Variants in SGK1 observed in about 807,000 individuals in gnomAD.
SGK1 encodes the protein serum/glucocorticoid regulated kinase 1.
Under a neutral mutation model 64.2 loss-of-function variants are expected in SGK1, and 26 were observed. The observed-to-expected ratio is 0.40, with a 90% CI of 0.30 to 0.56. SGK1 has a LOEUF of 0.56. Ranked by LOEUF, SGK1 falls within the 20% of genes least tolerant of loss-of-function variation. The probability of loss-of-function intolerance (pLI) is 0.38; values close to 1 mark genes in which losing one functional copy is unlikely to be tolerated. For missense variants in SGK1, 519 were observed against 645.6 expected (o/e 0.80, Z 2.12); for synonymous variants, 265 against 239.7 (o/e 1.11, Z -0.98).
At chr6:134,238,794 T>C (rs1776401216) in intron 2 of SGK1, among the ~76,000 whole-genome samples, 1 of 152,170 alleles carries the variant, frequency 6.6e-6, no homozygotes, top group African/African-American at 2.4e-5. Context: ...TGAGTTACTC[T>C]GCAAAATGGA....
At chr6:134,201,164 C>G (rs1460662878) in intron 3 of SGK1, among the ~76,000 whole-genome samples, 2 of 142,190 alleles carry the variant, frequency 1.4e-5, no homozygotes, top group Non-Finnish European at 3.1e-5. Context: ...GGGTTCACGC[C>G]ATTCTCCTGC....
intron 3 of SGK1, among the ~76,000 whole-genome samples, chr6:134,175,388 G>C (rs1775199560): frequency 6.6e-6 from 1 of 152,108 alleles, no homozygotes; most frequent in African/African-American, 2.4e-5. Flanking sequence ...TTTATCCCTG[G>C]GGCGCAGGCC....
chr6:134,219,751 ACT>A (rs1213758199), intron 2 of SGK1, among the ~76,000 whole-genome samples: 7 of 112,780 alleles, frequency 6.2e-5, no homozygotes, highest in Non-Finnish European at 8.9e-5. Context: ...CAAGATCGAA[ACT>A]CTGTCTCAAA....
At chr6:134,300,363 C>G (rs1276840757) in intron 1 of SGK1, among the ~76,000 whole-genome samples, 1 of 151,548 alleles carries the variant, frequency 6.6e-6, no homozygotes, top group Non-Finnish European at 1.5e-5. Flanking sequence ...ATGGTGAAAC[C>G]CCAACTCTAC....
intron 1 of SGK1, among the ~76,000 whole-genome samples, chr6:134,310,466 C>T (rs139627479): frequency 2.0e-5 from 3 of 152,290 alleles, no homozygotes; most frequent in African/African-American, 7.2e-5. Context: ...CAAAGGCATC[C>T]GTCTTACTCA....
intron 3 of SGK1, among the ~76,000 whole-genome samples, chr6:134,185,555 AGTGTGTGTGTGTGTGTGT>A (rs55653141): frequency 6.9e-6 from 1 of 145,314 alleles, no homozygotes; most frequent in Non-Finnish European, 1.5e-5. Flanking sequence ...TATCTCTATG[AGTGTGTGTGTGTGTGTGT>A]GTGTGTGTGT....
chr6:134,209,541 G>T (rs1775851194), intron 2 of SGK1, among the ~76,000 whole-genome samples: 1 of 152,150 alleles, frequency 6.6e-6, no homozygotes, highest in African/African-American at 2.4e-5. Flanking sequence ...GTGATCATTT[G>T]ATTACTGCAA....
At chr6:134,287,182 G>T (rs140555300) in intron 1 of SGK1, among the ~76,000 whole-genome samples, 186 of 152,250 alleles carry the variant, frequency 1.2e-3, no homozygotes, top group African/African-American at 4.0e-3. Flanking sequence ...ATGTTGGCCA[G>T]ACTGGTCTCA....
At chr6:134,288,754 T>C (rs950903839) in intron 1 of SGK1, among the ~76,000 whole-genome samples, 4 of 152,214 alleles carry the variant, frequency 2.6e-5, no homozygotes, top group Non-Finnish European at 5.9e-5. Context: ...CTAATAATAT[T>C]TTCTTTGTGA....
At chr6:134,216,071 A>C (rs1252363060) in intron 2 of SGK1, among the ~76,000 whole-genome samples, 1 of 150,412 alleles carries the variant, frequency 6.6e-6, no homozygotes, top group Non-Finnish European at 1.5e-5. Context: ...CGTATGCATA[A>C]ATTTTTTAAA....
At chr6:134,178,810 C>T (rs1200949812) in intron 3 of SGK1, among the ~76,000 whole-genome samples, 1 of 152,080 alleles carries the variant, frequency 6.6e-6, no homozygotes, top group Non-Finnish European at 1.5e-5. Flanking sequence ...GGCTAATTAC[C>T]TCCCCACTCC....
At chr6:134,224,183 A>C (rs920937701) in intron 2 of SGK1, among the ~76,000 whole-genome samples, 1 of 152,252 alleles carries the variant, frequency 6.6e-6, no homozygotes, top group African/African-American at 2.4e-5. Context: ...TTTGGATGGC[A>C]GAGATACAGG....
intron 3 of SGK1, among the ~76,000 whole-genome samples, chr6:134,190,775 A>G (rs1775497879): frequency 6.6e-6 from 1 of 152,238 alleles, no homozygotes; most frequent in African/African-American, 2.4e-5. Context: ...AATTAATATT[A>G]CATACATTAC....
At chr6:134,179,760 C>T (rs952117509) in intron 3 of SGK1, among the ~76,000 whole-genome samples, 2 of 152,030 alleles carry the variant, frequency 1.3e-5, no homozygotes, top group African/African-American at 4.8e-5. Context: ...TCATTTATCG[C>T]AGGGTTTATA....
At chr6:134,175,849 G>A in intron 3 of SGK1, 4 of 1,229,594 alleles carry the variant, frequency 3.3e-6, no homozygotes, top group Non-Finnish European at 3.1e-6. Flanking sequence ...CCAAAACCAA[G>A]CAAGGCTGAA....
At chr6:134,302,144 CAGATT>C (rs1435466372) in intron 1 of SGK1, among the ~76,000 whole-genome samples, 1 of 152,124 alleles carries the variant, frequency 6.6e-6, no homozygotes, top group Non-Finnish European at 1.5e-5. Context: ...TTATGTAAGA[CAGATT>C]AGAAAACAAA....
chr6:134,210,255 C>T (rs944138812), intron 2 of SGK1, among the ~76,000 whole-genome samples: 4 of 152,076 alleles, frequency 2.6e-5, no homozygotes, highest in African/African-American at 7.2e-5. Flanking sequence ...TATGTGACAA[C>T]GTGGATGAAA....
intron 1 of SGK1, among the ~76,000 whole-genome samples, chr6:134,303,164 T>C (rs1179220222): frequency 6.6e-6 from 1 of 151,872 alleles, no homozygotes; most frequent in Non-Finnish European, 1.5e-5. Context: ...GAGGCTGAGG[T>C]GGGCGGATCA....
chr6:134,285,886 G>A (rs947095988), intron 1 of SGK1, among the ~76,000 whole-genome samples: 12 of 152,186 alleles, frequency 7.9e-5, no homozygotes, highest in Admixed American at 7.9e-4. Context: ...CAACTGACTG[G>A]TATTGGCTGA....
Sources: gnomAD v4.1 joint callset for allele counts (sites outside exome capture counted in the v4.1 genomes callset) on GRCh38, gnomAD v4.1.1 for gene constraint, MANE v1.5 for transcripts, NCBI Gene and HGNC (gene_info 2026-07-23, HGNC 2026-07-21) for gene names.